Variants in TNKS observed in about 807,000 individuals in gnomAD.
TNKS encodes tankyrase, also known as poly [ADP-ribose] polymerase tankyrase-1.
Under a neutral mutation model 135.8 loss-of-function variants are expected in TNKS, and 72 were observed. The observed-to-expected ratio is 0.53, with a 90% confidence interval of 0.44 to 0.64. TNKS has a LOEUF of 0.64. Among genes scored for constraint, TNKS ranks in the 30% least tolerant of loss-of-function variants. TNKS has a pLI of 0.00. For missense variants in TNKS, 1,769 were observed against 1,674.0 expected, an observed-to-expected ratio of 1.06 and a Z score of -0.99; for synonymous variants, 849 against 649.3, an observed-to-expected ratio of 1.31 and a Z score of -4.68.
intron 3 of TNKS, among the ~76,000 whole-genome samples, chr8:9,677,325 C>T (rs749325389): frequency 2.6e-5 from 4 of 152,058 alleles, no homozygotes; most frequent in South Asian, 2.1e-4. Flanking sequence ...TCAGCTTATC[C>T]GGGAAGGAAT....
chr8:9,734,960 G>T lies in TNKS; in HGVS notation c.2409G>T (p.Gly803=). 1 of 1,614,168 alleles carries T rather than the reference G, an allele frequency of 6.2e-7. No individual in the cohort carries two copies. The highest frequency in any genetic ancestry group is 8.5e-7 in the Non-Finnish European group (1 of 1,180,030). ...CAGATATTCAGGACTTACTGAGAGG[G>T]GATGCTGCTTTGTTGGATGCTGCCA... is the stretch of plus-strand genomic sequence containing the variant. ...GDTDIQDLLR[G]DAALLDAAKK... The change falls in exon 16 of 27, where the codon GGG becomes GGT. Residue 803 remains glycine (G), a synonymous_variant. Coordinates refer to ENST00000310430, the MANE Select transcript of TNKS (RefSeq NM_003747.3).
chr8:9,693,230 T>C (rs1399079074), intron 5 of TNKS, among the ~76,000 whole-genome samples: 2 of 152,212 alleles, frequency 1.3e-5, no homozygotes, highest in African/African-American at 4.8e-5. Context: ...ATGGAAATAC[T>C]GTACAGCTCT....
intron 1 of TNKS, among the ~76,000 whole-genome samples, chr8:9,565,805 C>T (rs535827622): frequency 9.9e-5 from 15 of 151,788 alleles, no homozygotes; most frequent in African/African-American, 1.5e-4. Context: ...TGCAGTGAGC[C>T]GAGATCACGC....
intron 3 of TNKS, among the ~76,000 whole-genome samples, chr8:9,661,792 C>T (rs993557561): frequency 3.9e-5 from 6 of 152,180 alleles, no homozygotes; most frequent in African/African-American, 7.2e-5. Flanking sequence ...TCAGAGTGAA[C>T]GGGCTACCTA....
intron 2 of TNKS, among the ~76,000 whole-genome samples, chr8:9,582,993 C>A (rs1041232565): frequency 2.6e-5 from 4 of 151,782 alleles, no homozygotes; most frequent in African/African-American, 4.8e-5. Flanking sequence ...GGTGAAACCC[C>A]ATCTCTACTA....
chr8:9,563,358 T>C (rs1409806511), intron 1 of TNKS, among the ~76,000 whole-genome samples: 1 of 152,140 alleles, frequency 6.6e-6, no homozygotes, highest in Non-Finnish European at 1.5e-5. Context: ...AGTTGGAAAC[T>C]TTCTGTAAAT....
intron 2 of TNKS, among the ~76,000 whole-genome samples, chr8:9,598,450 T>C (rs1328568584): frequency 2.6e-5 from 4 of 152,126 alleles, no homozygotes; most frequent in Non-Finnish European, 5.9e-5. Context: ...GAGGATGTTT[T>C]AAATATGTAA....
intron 1 of TNKS, among the ~76,000 whole-genome samples, chr8:9,578,358 A>G (rs1798038640): frequency 6.6e-6 from 1 of 152,248 alleles, no homozygotes. Flanking sequence ...TTCTGCAGGT[A>G]TTTAAAAAAC....
At chr8:9,659,881 G>A (rs558960393) in intron 3 of TNKS, among the ~76,000 whole-genome samples, 14 of 152,110 alleles carry the variant, frequency 9.2e-5, no homozygotes, top group South Asian at 4.2e-4. Flanking sequence ...TCAAATAGAC[G>A]CAATAAAAAA....
intron 11 of TNKS, among the ~76,000 whole-genome samples, chr8:9,715,886 T>G (rs1804578739): frequency 6.6e-6 from 1 of 152,184 alleles, no homozygotes; most frequent in South Asian, 2.1e-4. Flanking sequence ...ATCCTTCATG[T>G]GGCAATTTTT....
At chr8:9,762,211 CCTCT>C (rs1283303913) in intron 21 of TNKS, among the ~76,000 whole-genome samples, 2 of 152,022 alleles carry the variant, frequency 1.3e-5, no homozygotes, top group African/African-American at 4.8e-5. Context: ...GCCTCTTTCC[CCTCT>C]GTTTTTACCC....
chr8:9,773,853 G>C (rs1226539662), intron 26 of TNKS, among the ~76,000 whole-genome samples: 1 of 152,132 alleles, frequency 6.6e-6, no homozygotes, highest in African/African-American at 2.4e-5. Flanking sequence ...TGCTAATTGA[G>C]TACTTTCTCA....
At chr8:9,672,681 TACACACACACAC>T (rs60210743) in intron 3 of TNKS, among the ~76,000 whole-genome samples, 1 of 84,692 alleles carries the variant, frequency 1.2e-5, no homozygotes, top group Non-Finnish European at 2.2e-5. Flanking sequence ...AAAAAACACA[TACACACACACAC>T]ACACACACAC....
At chr8:9,710,864 C>T (rs1222227990) in intron 11 of TNKS, among the ~76,000 whole-genome samples, 1 of 152,078 alleles carries the variant, frequency 6.6e-6, no homozygotes, top group Admixed American at 6.5e-5. Flanking sequence ...CCACTACACT[C>T]CAGCCTGGGA....
chr8:9,740,329 A>G (rs1056345004), intron 17 of TNKS, among the ~76,000 whole-genome samples: 2 of 152,148 alleles, frequency 1.3e-5, no homozygotes, highest in African/African-American at 4.8e-5. Flanking sequence ...AGTTGGAATC[A>G]CTCTTGATAG....
intron 1 of TNKS, chr8:9,558,850 C>CCA (rs1486744610): frequency 2.0e-5 from 3 of 152,126 alleles, no homozygotes; most frequent in Non-Finnish European, 4.4e-5. Flanking sequence ...AGTCAGTTTG[C>CCA]CACGCTTCCG....
intron 13 of TNKS, among the ~76,000 whole-genome samples, chr8:9,728,925 T>G (rs1294445410): frequency 6.6e-6 from 1 of 152,204 alleles, no homozygotes; most frequent in Non-Finnish European, 1.5e-5. Flanking sequence ...TGTCTTAGTC[T>G]ATTTGTGCTG....
chr8:9,600,404 C>T (rs1227553401), intron 2 of TNKS, among the ~76,000 whole-genome samples: 1 of 152,126 alleles, frequency 6.6e-6, no homozygotes, highest in Non-Finnish European at 1.5e-5. Context: ...GCCTCGACCT[C>T]CTTGACTCAG....
chr8:9,620,075 A>T (rs570050135), intron 3 of TNKS, among the ~76,000 whole-genome samples: 15 of 151,700 alleles, frequency 9.9e-5, no homozygotes, highest in Non-Finnish European at 2.1e-4. Context: ...TCAGCCTGCC[A>T]AGTAGCTGGG....
Sources: gnomAD v4.1 joint callset for allele counts (sites outside exome capture counted in the v4.1 genomes callset) on GRCh38, gnomAD v4.1.1 for gene constraint, MANE v1.5 for transcripts, NCBI Gene and HGNC (gene_info 2026-07-23, HGNC 2026-07-21) for gene names.